The following TAF3 variants were observed in gnomAD, a reference collection of about 807,000 sequenced individuals.
TAF3 encodes the protein transcription initiation factor TFIID subunit 3.
A neutral mutation model predicts 80.6 loss-of-function variants in TAF3; 7 were observed. The ratio of observed to expected loss-of-function variants is 0.09; its 90% CI spans 0.05 to 0.16. TAF3 has a LOEUF of 0.16. TAF3 is among the 10% of genes least tolerant of loss of function. TAF3 has a pLI of 1.00. For missense variants in TAF3, 921 were observed against 1,140.2 expected (o/e 0.81, Z 2.77); for synonymous variants, 444 against 446.1 (o/e 1.00, Z 0.06).
intron 2 of TAF3, among the ~76,000 whole-genome samples, chr10:7,872,845 A>G (rs961205825): frequency 3.9e-5 from 6 of 152,224 alleles, no homozygotes; most frequent in African/African-American, 1.4e-4. Context: ...AAAGACATAT[A>G]TGTTATATAA....
chr10:7,956,756 G>A (rs1838139724), intron 2 of TAF3, among the ~76,000 whole-genome samples: 1 of 152,184 alleles, frequency 6.6e-6, no homozygotes, highest in African/African-American at 2.4e-5. Flanking sequence ...ACATTTGGCA[G>A]AATGAGGAGT....
intron 2 of TAF3, among the ~76,000 whole-genome samples, chr10:7,961,302 C>T (rs1010463411): frequency 2.6e-5 from 4 of 152,128 alleles, no homozygotes; most frequent in East Asian, 1.9e-4. Context: ...TATCGCGAAT[C>T]GGTAGCATAA....
At chr10:7,850,936 G>T (rs1038105095) in intron 2 of TAF3, among the ~76,000 whole-genome samples, 13 of 151,972 alleles carry the variant, frequency 8.6e-5, no homozygotes, top group African/African-American at 2.7e-4. Flanking sequence ...CATATTTATT[G>T]TTCTCTGATT....
intron 4 of TAF3, among the ~76,000 whole-genome samples, chr10:8,001,105 A>G (rs1286930982): frequency 6.6e-6 from 1 of 152,182 alleles, no homozygotes; most frequent in African/African-American, 2.4e-5. Context: ...TTGCAGCCAT[A>G]GACAGTGCTA....
chr10:7,820,554 G>C (rs748311086), intron 1 of TAF3, among the ~76,000 whole-genome samples: 3 of 152,236 alleles, frequency 2.0e-5, no homozygotes, highest in Non-Finnish European at 4.4e-5. Flanking sequence ...GAGTGCAGTG[G>C]TGCGATCTTA....
chr10:7,998,023 C>T lies in TAF3; in HGVS notation c.2316-11055C>T, dbSNP rs547111943. 5.9e-5 allele frequency among the ~76,000 whole-genome samples: 9 copies of T among 151,806 alleles called. No homozygotes were observed. The South Asian group carries it at 8.3e-4, about 14-fold the overall frequency. On this transcript the variant is annotated intron_variant, in intron 4 of 6. Transcript: ENST00000344293. The stretch of plus-strand genomic sequence containing the variant: ...AAAGGATTGTTTTTAAAACTGTTTT[C>T]GGTCATCACAAAAATAACCTTAGCT...
chr10:7,881,848 G>T (rs1244460), intron 2 of TAF3, among the ~76,000 whole-genome samples: 136,163 of 152,230 alleles, frequency 0.89, 61,041 homozygotes, highest in East Asian at 0.99. Flanking sequence ...CCTAGTTAAC[G>T]CATTAAAAAG....
chr10:7,920,326 G>A (rs1278524607), intron 2 of TAF3, among the ~76,000 whole-genome samples: 2 of 33,320 alleles, frequency 6.0e-5, no homozygotes, highest in South Asian at 1.1e-3. Context: ...GTGTGTGTGT[G>A]TGTGTATGTG....
chr10:7,892,062 T>C (rs1369206204), intron 2 of TAF3, among the ~76,000 whole-genome samples: 2 of 152,240 alleles, frequency 1.3e-5, no homozygotes, highest in African/African-American at 4.8e-5. Context: ...AACCCAGATG[T>C]TTAATTATTC....
intron 2 of TAF3, among the ~76,000 whole-genome samples, chr10:7,898,992 A>G (rs1160051253): frequency 6.6e-6 from 1 of 152,138 alleles, no homozygotes; most frequent in African/African-American, 2.4e-5. Flanking sequence ...TTTAAAAACC[A>G]TTAATGTCAG....
intron 2 of TAF3, among the ~76,000 whole-genome samples, chr10:7,909,268 T>C (rs777494263): frequency 1.1e-4 from 16 of 152,248 alleles, no homozygotes; most frequent in Non-Finnish European, 1.9e-4. Context: ...AGGGCTCTAG[T>C]TGATTCTTGT....
intron 2 of TAF3, among the ~76,000 whole-genome samples, chr10:7,961,930 G>A (rs1019324959): frequency 2.0e-5 from 3 of 151,788 alleles, no homozygotes; most frequent in Non-Finnish European, 4.4e-5. Context: ...GCTCATTGCA[G>A]CCTCAACCTT....
rs368549752 is a variant in TAF3 at position 7,914,037 on chromosome 10, A to T, written c.410-49883A>T. ...ACTTATGTGACATCAACCAATTGCA[A>T]TGTGGTCCTCTTTTAGATACCGATT... On this transcript the variant is annotated intron_variant, in intron 2 of 6. Coordinates refer to ENST00000344293, the MANE Select transcript of TAF3 (RefSeq NM_031923.4). Among the ~76,000 whole-genome samples the T allele has an allele frequency of 2.0e-5, 3 of 152,232 alleles. No individual in the cohort carries two copies. The East Asian group carries it at 5.8e-4, about 29-fold the overall frequency.
intron 2 of TAF3, among the ~76,000 whole-genome samples, chr10:7,854,640 GAA>G (rs1253213797): frequency 7.3e-6 from 1 of 136,582 alleles, no homozygotes; most frequent in Non-Finnish European, 1.6e-5. Context: ...GAAGAGAACT[GAA>G]AAGAGCCCTC....
At chr10:7,856,858 C>CAAAAAAAAAAAA (rs57207229) in intron 2 of TAF3, among the ~76,000 whole-genome samples, 2 of 91,156 alleles carry the variant, frequency 2.2e-5, no homozygotes, top group African/African-American at 8.2e-5. Flanking sequence ...AGCTGGTTCT[C>CAAAAAAAAAAAA]AAAAAAAAAA....
At chr10:7,965,813 C>T (rs555678220) in intron 3 of TAF3, 71 bp downstream of exon 3, 1 of 1,411,870 alleles carries the variant, frequency 7.1e-7, no homozygotes, top group Non-Finnish European at 9.2e-7. Flanking sequence ...ACAAAGCCCA[C>T]AATTATATCT....
chr10:7,835,246 T>C (rs1479250067), intron 2 of TAF3, among the ~76,000 whole-genome samples: 3 of 152,190 alleles, frequency 2.0e-5, no homozygotes, highest in African/African-American at 7.2e-5. Context: ...AAAAAAGTCA[T>C]AATGTTTTAA....
chr10:7,931,613 A>G (rs999804731), intron 2 of TAF3, among the ~76,000 whole-genome samples: 1 of 152,224 alleles, frequency 6.6e-6, no homozygotes. Context: ...GAAAATGGTA[A>G]TTATACCTTG....
chr10:7,912,483 C>G (rs535982717), intron 2 of TAF3, among the ~76,000 whole-genome samples: 51 of 152,006 alleles, frequency 3.4e-4, no homozygotes, highest in African/African-American at 1.2e-3. Context: ...TTTCTGGGAA[C>G]AGTCATGAGA....
Sources: allele counts gnomAD v4.1 joint callset (sites outside exome capture counted in the v4.1 genomes callset), GRCh38; gene constraint gnomAD v4.1.1; transcripts MANE v1.5; gene names NCBI Gene and HGNC (gene_info 2026-07-23, HGNC 2026-07-21).